The following DOCK1 variants were observed in gnomAD, a reference collection of about 807,000 sequenced individuals.
DOCK1 encodes dedicator of cytokinesis protein 1.
A neutral mutation model predicts 262.7 loss-of-function variants in DOCK1; 138 were observed. The ratio of observed to expected loss-of-function variants is 0.53; its 90% CI spans 0.46 to 0.61. The LOEUF is 0.61. DOCK1 is among the 20% of genes least tolerant of loss of function. The pLI, the probability that DOCK1 is intolerant of heterozygous loss-of-function variation, is 0.00. For synonymous variants in DOCK1, 866 were observed against 867.4 expected (o/e 1.00, Z 0.03); for missense variants, 1,908 against 2,370.7 (o/e 0.80, Z 4.05).
At chr10:127,231,422 C>CT (rs923572760) in intron 27 of DOCK1, among the ~76,000 whole-genome samples, 75 of 148,854 alleles carry the variant, frequency 5.0e-4, no homozygotes, top group South Asian at 1.1e-3. Flanking sequence ...TTTTCTTATT[C>CT]TTTTTTTTTT....
intron 28 of DOCK1, among the ~76,000 whole-genome samples, chr10:127,254,862 A>G (rs948527501): frequency 1.3e-5 from 2 of 152,178 alleles, no homozygotes; most frequent in Admixed American, 6.6e-5. Context: ...TGATGCCTTG[A>G]TGAGATTTGT....
chr10:127,230,758 T>G (rs186851453), intron 27 of DOCK1, among the ~76,000 whole-genome samples: 13 of 151,606 alleles, frequency 8.6e-5, no homozygotes, highest in African/African-American at 2.7e-4. Context: ...GGGTTTTTTG[T>G]TTTTTTTGTT....
At chr10:126,925,552 T>A (rs1275651239) in intron 1 of DOCK1, among the ~76,000 whole-genome samples, 1 of 152,068 alleles carries the variant, frequency 6.6e-6, no homozygotes, top group Non-Finnish European at 1.5e-5. Context: ...CCCAGCTAAT[T>A]TTTGTGTTTT....
chr10:127,087,431 G>A (rs1465596132), intron 23 of DOCK1, among the ~76,000 whole-genome samples: 1 of 152,168 alleles, frequency 6.6e-6, no homozygotes, highest in African/African-American at 2.4e-5. Context: ...AGGGGCAGGG[G>A]AGTGGAGTAG....
chr10:127,027,914 G>A (rs919347499), intron 16 of DOCK1, among the ~76,000 whole-genome samples: 1 of 152,052 alleles, frequency 6.6e-6, no homozygotes, highest in Non-Finnish European at 1.5e-5. Context: ...GGGAGTTGGA[G>A]AGGCCTGGTG....
chr10:127,051,215 A>G (rs2044701455), intron 21 of DOCK1, among the ~76,000 whole-genome samples: 2 of 152,036 alleles, frequency 1.3e-5, no homozygotes. Flanking sequence ...CCCAATTTAT[A>G]AATAAACAGA....
chr10:127,195,726 C>A (rs1232675878), intron 27 of DOCK1, among the ~76,000 whole-genome samples: 1 of 152,196 alleles, frequency 6.6e-6, no homozygotes, highest in East Asian at 1.9e-4. Flanking sequence ...TCCTCCCTGA[C>A]GTCGCCAAAG....
At chr10:127,170,721 G>T (rs191913003) in intron 27 of DOCK1, among the ~76,000 whole-genome samples, 347 of 152,212 alleles carry the variant, frequency 2.3e-3, no homozygotes, top group African/African-American at 8.0e-3. Context: ...AATTGATTGG[G>T]TTTTTTAAAT....
rs112750777 is a variant in DOCK1, at chr10:127,010,297, T to G, written c.1058+1493T>G. 8.2e-3 allele frequency among the ~76,000 whole-genome samples: 1,246 copies of G among 152,184 alleles called. 21 individuals are homozygous for G. Among genetic ancestry groups the G allele is most frequent in the African/African-American group, 0.029 (1,195 of 41,512 alleles). On this transcript the variant is annotated intron_variant, in intron 11 of 51. Transcript: ENST00000623213. Reference sequence around the variant, plus strand: ...GCCTGGCCAACATGGTGAAACCCCATAACTACTAAAAATACAAAAATTAGC... The same window carrying G: ...GCCTGGCCAACATGGTGAAACCCCAGAACTACTAAAAATACAAAAATTAGC...
chr10:127,115,761 G>A (rs1029670068), intron 25 of DOCK1, among the ~76,000 whole-genome samples: 1 of 152,200 alleles, frequency 6.6e-6, no homozygotes, highest in African/African-American at 2.4e-5. Flanking sequence ...CTTGTAAGAA[G>A]CCTTTGAGTG....
At position 127,002,306 on chromosome 10, in the gene DOCK1, G is replaced by T. The variant is rs540433878; in HGVS notation, c.985+1999G>T. Among the ~76,000 whole-genome samples the T allele has an allele frequency of 1.3e-3, 194 of 152,310 alleles. 1 individual carries two copies. Among genetic ancestry groups the T allele is most frequent in the Non-Finnish European group, 2.4e-3 (165 of 68,024 alleles). ...TCTCTGGTTATTAGATTACAAGATG[G>T]ATTGTGTCATAAGTTCCTACGAATG... On this transcript the variant is annotated intron_variant, in intron 10 of 51. Transcript: ENST00000623213.
At chr10:127,137,713 G>T (rs777389758) in intron 27 of DOCK1, 152 of 853,966 alleles carry the variant, frequency 1.8e-4, no homozygotes, top group Non-Finnish European at 2.5e-4. Flanking sequence ...GGTACGCAGG[G>T]CGAGAAGTGG....
intron 29 of DOCK1, among the ~76,000 whole-genome samples, chr10:127,334,015 A>G (rs2063093910): frequency 6.6e-6 from 1 of 152,194 alleles, no homozygotes; most frequent in Non-Finnish European, 1.5e-5. Context: ...AAACTTGAGC[A>G]ACATTTTTTT....
intron 27 of DOCK1, among the ~76,000 whole-genome samples, chr10:127,240,008 A>G (rs911358008): frequency 1.3e-5 from 2 of 152,150 alleles, no homozygotes; most frequent in African/African-American, 2.4e-5. Flanking sequence ...TGGGTAATTT[A>G]AGATCCAGAT....
At chr10:127,010,846 A>G (rs1046607260) in intron 11 of DOCK1, among the ~76,000 whole-genome samples, 4 of 152,228 alleles carry the variant, frequency 2.6e-5, no homozygotes, top group Non-Finnish European at 5.9e-5. Flanking sequence ...GCTGTATTAT[A>G]TATTAGACCT....
intron 29 of DOCK1, among the ~76,000 whole-genome samples, chr10:127,326,185 T>C (rs2062741844): frequency 6.6e-6 from 1 of 152,166 alleles, no homozygotes; most frequent in Non-Finnish European, 1.5e-5. Context: ...TGACAGTTTT[T>C]TAAAATAAGG....
rs2134820412 is a variant in DOCK1 at position 127,446,395 on chromosome 10, T to TC, written c.5414-994dup. 6.6e-6 allele frequency among the ~76,000 whole-genome samples: 1 copy of TC among 152,312 alleles called. No individual in the cohort carries two copies. On this transcript the variant is annotated intron_variant, in intron 50 of 51. Transcript: ENST00000623213. The surrounding 1 kb of genome is among the most constrained non-coding windows in gnomAD (Gnocchi z 4.4). ...CAGAAATACATCATGGTGATGGTTA[T>TC]CCCCCACGGTCGATGTGATTAATGC... is the stretch of plus-strand genomic sequence containing the variant.
intron 45 of DOCK1, 64 bp downstream of exon 45, chr10:127,418,605 G>C: frequency 6.5e-7 from 1 of 1,532,444 alleles, no homozygotes; most frequent in South Asian, 1.3e-5. Flanking sequence ...GAAAATTCCC[G>C]AGAGTCCCCA....
intron 38 of DOCK1, among the ~76,000 whole-genome samples, chr10:127,390,471 A>C (rs1051219026): frequency 6.6e-6 from 1 of 152,214 alleles, no homozygotes; most frequent in African/African-American, 2.4e-5. Flanking sequence ...TTAAAGAGGT[A>C]ATTAAGGTAA....
Sources: gnomAD v4.1 joint callset for allele counts (sites outside exome capture counted in the v4.1 genomes callset) on GRCh38, gnomAD v4.1.1 for gene constraint, Gnocchi (gnomAD v3.1) non-coding constraint, MANE v1.5 for transcripts, NCBI Gene and HGNC (gene_info 2026-07-23, HGNC 2026-07-21) for gene names.